Variants in ZNF385D observed in about 807,000 individuals in gnomAD.
ZNF385D encodes zinc finger protein 385D.
ZNF385D carries 15 observed loss-of-function variants against 35.8 expected under a neutral mutation model. That is an observed-to-expected ratio of 0.42 (90% CI 0.28 to 0.64). The LOEUF (loss-of-function observed/expected upper bound fraction) is 0.64. Among genes scored for constraint, ZNF385D ranks in the 30% least tolerant of loss-of-function variants. The pLI is 0.23. For synonymous variants in ZNF385D, 212 were observed against 186.8 expected (o/e 1.13, Z -1.10); for missense variants, 474 against 494.6 (o/e 0.96, Z 0.39).
chr3:21,433,721 A>T (rs1273618737), intron 5 of ZNF385D, among the ~76,000 whole-genome samples: 1 of 152,224 alleles, frequency 6.6e-6, no homozygotes, highest in East Asian at 1.9e-4. Flanking sequence ...TTCTACCAGC[A>T]CTATGATCTG....
At chr3:22,022,209 C>A (rs1697262367) in intron 3 of ZNF385D, among the ~76,000 whole-genome samples, 2 of 152,056 alleles carry the variant, frequency 1.3e-5, no homozygotes, top group Non-Finnish European at 1.5e-5. Flanking sequence ...ACAACTTATA[C>A]AAAGTATATA....
chr3:21,993,412 T>C (rs1695266060), intron 3 of ZNF385D, among the ~76,000 whole-genome samples: 1 of 152,198 alleles, frequency 6.6e-6, no homozygotes, highest in African/African-American at 2.4e-5. Flanking sequence ...CTCTGGTCTC[T>C]CCTAAATAAT....
chr3:21,788,789 T>C (rs1257871905), intron 3 of ZNF385D, among the ~76,000 whole-genome samples: 1 of 152,182 alleles, frequency 6.6e-6, no homozygotes, highest in East Asian at 1.9e-4. Context: ...CAACATGAAA[T>C]ACGGGACACA....
chr3:21,929,303 A>T (rs1430859368), intron 3 of ZNF385D, among the ~76,000 whole-genome samples: 1 of 152,110 alleles, frequency 6.6e-6, no homozygotes, highest in Non-Finnish European at 1.5e-5. Context: ...AGGGATTAAA[A>T]AAAGAACTTT....
intron 2 of ZNF385D, among the ~76,000 whole-genome samples, chr3:21,600,112 C>A (rs189452640): frequency 6.6e-6 from 1 of 152,182 alleles, no homozygotes; most frequent in Non-Finnish European, 1.5e-5. Context: ...AGGAATTTAC[C>A]CTATATGGTC....
intron 3 of ZNF385D, among the ~76,000 whole-genome samples, chr3:22,099,573 C>G (rs1479326498): frequency 3.9e-5 from 6 of 152,036 alleles, no homozygotes; most frequent in African/African-American, 7.2e-5. Flanking sequence ...CTCACATAGG[C>G]TAACGAGTTA....
intron 1 of ZNF385D, among the ~76,000 whole-genome samples, chr3:21,714,948 C>CCT (rs1575517319): frequency 5.3e-5 from 8 of 152,262 alleles, no homozygotes; most frequent in Admixed American, 3.3e-4. Context: ...ACCCTCTGCC[C>CCT]GATGCCCTTG....
chr3:21,751,021 C>G lies in ZNF385D; in HGVS notation c.-105G>C. On this transcript the variant is annotated 5_prime_UTR_variant, in exon 1 of 8. Transcript: ENST00000281523. ...TCATGCTACATTCGGTGGAAATGTCCCCGGCGTGGAGAGCAGTGAGCGCCG... is the reference window on the plus strand; with the variant it reads ...TCATGCTACATTCGGTGGAAATGTCGCCGGCGTGGAGAGCAGTGAGCGCCG... 1 of 1,600,224 alleles carries G rather than the reference C, an allele frequency of 6.2e-7. No homozygotes were observed. The highest frequency in any genetic ancestry group is 2.2e-5 in the East Asian group (1 of 44,538).
intron 2 of ZNF385D, among the ~76,000 whole-genome samples, chr3:22,256,823 C>T (rs913940335): frequency 6.6e-6 from 1 of 151,806 alleles, no homozygotes; most frequent in Non-Finnish European, 1.5e-5. Context: ...AACTAAAACT[C>T]TCTCGTCTTC....
intron 3 of ZNF385D, among the ~76,000 whole-genome samples, chr3:22,092,122 T>G (rs922454365): frequency 2.7e-4 from 41 of 152,166 alleles, no homozygotes; most frequent in African/African-American, 9.2e-4. Context: ...ACCAAAGGCA[T>G]GCACTGTCCT....
At chr3:22,094,222 T>C (rs1701479911) in intron 3 of ZNF385D, among the ~76,000 whole-genome samples, 1 of 139,616 alleles carries the variant, frequency 7.2e-6, no homozygotes, top group African/African-American at 2.6e-5. Context: ...CATTGTCAAG[T>C]AGCATTTTTT....
At chr3:21,791,853 G>A (rs931576712) in intron 3 of ZNF385D, among the ~76,000 whole-genome samples, 1 of 152,058 alleles carries the variant, frequency 6.6e-6, no homozygotes, top group African/African-American at 2.4e-5. Context: ...TCCTGCCTCA[G>A]CCTCCCGAGT....
chr3:22,057,628 A>C (rs1049602309), intron 3 of ZNF385D, among the ~76,000 whole-genome samples: 1 of 149,484 alleles, frequency 6.7e-6, no homozygotes, highest in Non-Finnish European at 1.5e-5. Context: ...TCTTGTCTCA[A>C]CCTCCCGAGT....
intron 1 of ZNF385D, among the ~76,000 whole-genome samples, chr3:21,749,718 A>G (rs2069965985): frequency 6.6e-6 from 1 of 152,244 alleles, no homozygotes; most frequent in South Asian, 2.1e-4. Flanking sequence ...TTATAGGCAA[A>G]TCAAAACTGT....
chr3:21,678,248 G>C (rs1241830998), intron 1 of ZNF385D, among the ~76,000 whole-genome samples: 3 of 152,074 alleles, frequency 2.0e-5, no homozygotes, highest in Admixed American at 1.3e-4. Context: ...CATCTGATTT[G>C]TCTGTCAAAG....
intron 2 of ZNF385D, among the ~76,000 whole-genome samples, chr3:22,247,563 T>C (rs1037486551): frequency 1.3e-5 from 2 of 152,060 alleles, no homozygotes; most frequent in African/African-American, 4.8e-5. Flanking sequence ...GAGTCTTTGA[T>C]TTGTTTTTCA....
chr3:21,992,037 A>C (rs1459122386), intron 3 of ZNF385D, among the ~76,000 whole-genome samples: 1 of 152,216 alleles, frequency 6.6e-6, no homozygotes, highest in Non-Finnish European at 1.5e-5. Flanking sequence ...CTCTGGAATG[A>C]GAATAACAGT....
chr3:22,070,773 C>G (rs10510524), intron 3 of ZNF385D, among the ~76,000 whole-genome samples: 15,281 of 152,052 alleles, frequency 0.1, 979 homozygotes, highest in African/African-American at 0.19. Flanking sequence ...GTCATGAAAT[C>G]TCAGAAAGCA....
At chr3:21,724,756 C>T (rs2068690607) in intron 1 of ZNF385D, among the ~76,000 whole-genome samples, 1 of 152,140 alleles carries the variant, frequency 6.6e-6, no homozygotes, top group East Asian at 1.9e-4. Flanking sequence ...ACCCCACTGT[C>T]AATATTAGAC....
Sources: allele counts gnomAD v4.1 joint callset (sites outside exome capture counted in the v4.1 genomes callset), GRCh38; gene constraint gnomAD v4.1.1; transcripts MANE v1.5; gene names NCBI Gene and HGNC (gene_info 2026-07-23, HGNC 2026-07-21).